The following SLC22A7 variants were observed in gnomAD, a reference collection of about 807,000 sequenced individuals.
The protein encoded by SLC22A7 is solute carrier family 22 member 7.
In SLC22A7, 48 loss-of-function variants were observed where a neutral mutation model predicts 62.2. That is an observed-to-expected ratio of 0.77 (90% confidence interval 0.61 to 0.98). The LOEUF is 0.98. Ranked by LOEUF, SLC22A7 falls within the 50% of genes least tolerant of loss-of-function variation. The probability of loss-of-function intolerance (pLI) is 0.00; values close to 1 mark genes in which losing one functional copy is unlikely to be tolerated. For synonymous variants in SLC22A7, 276 were observed against 314.8 expected, an observed-to-expected ratio of 0.88 and a Z score of 1.30; for missense variants, 581 against 703.8, an observed-to-expected ratio of 0.83 and a Z score of 1.97.
In SLC22A7 at chr6:43,302,892, A is replaced by G; in HGVS notation, c.1385+129A>G. On this transcript the variant is annotated intron_variant, in intron 9 of 10. Coordinates refer to ENST00000372585, the MANE Select transcript of SLC22A7 (RefSeq NM_153320.2). The surrounding 1 kb of genome is among the most constrained non-coding windows in gnomAD (Gnocchi z 5.0). ...TTTTTTTAATTTTAATTTTTGGTAGAGACGGGGTCTTGCTATATTACCCAG... is the reference window on the plus strand; with the variant it reads ...TTTTTTTAATTTTAATTTTTGGTAGGGACGGGGTCTTGCTATATTACCCAG... 1 of 706,048 alleles carries G rather than the reference A, an allele frequency of 1.4e-6. No individual in the cohort carries two copies. Among genetic ancestry groups the G allele is most frequent in the Non-Finnish European group, 2.3e-6 (1 of 427,922 alleles). 43.7% of individuals were successfully genotyped at this position (706,048 alleles called of 1,614,324 possible).
At position 43,299,506 on chromosome 6, in the gene SLC22A7, A is replaced by T; in HGVS notation, c.503+13A>T. ...ATCTGTCCGACAGGTGGGGTGAGGCACTGGGCCAATAAGAAACTGGCTGGG... is the reference window on the plus strand; with the variant it reads ...ATCTGTCCGACAGGTGGGGTGAGGCTCTGGGCCAATAAGAAACTGGCTGGG... On this transcript the variant is annotated intron_variant, in intron 3 of 10. Transcript: ENST00000372585. The surrounding 1 kb of genome is among the most constrained non-coding windows in gnomAD (Gnocchi z 4.4). 6.2e-7 allele frequency: 1 copy of T among 1,608,654 alleles called. No individual in the cohort carries two copies. Among genetic ancestry groups the T allele is most frequent in the East Asian group, 2.2e-5 (1 of 44,840 alleles).
upstream of SLC22A7, among the ~76,000 whole-genome samples, chr6:43,296,329 T>G (rs2841652): frequency 0.98 from 149,658 of 152,350 alleles, 73,550 homozygotes; most frequent in East Asian, 1. Context: ...GAAAACTAAG[T>G]CGTCACAGCC....
upstream of SLC22A7, among the ~76,000 whole-genome samples, chr6:43,297,493 A>C (rs17209379): frequency 0.072 from 10,941 of 152,252 alleles, 514 homozygotes; most frequent in Admixed American, 0.11. Flanking sequence ...TTTGAGTCTT[A>C]GGTATTGCAT....
intron 6 of SLC22A7, 43 bp downstream of exon 6, chr6:43,301,301 T>C (rs1778736755): frequency 5.6e-6 from 9 of 1,611,074 alleles, no homozygotes; most frequent in Admixed American, 1.7e-5. Flanking sequence ...ATGTGTGTGG[T>C]GGGGAGTGGG....
rs1392195319 is a variant in SLC22A7 at position 43,305,390 on chromosome 6, C to T, written c.*665C>T. On this transcript the variant is annotated 3_prime_UTR_variant, in exon 11 of 11. Transcript: ENST00000372585. ...GCCCTGCTACCTCCGAGGCACCCTG[C>T]AGGGCAATGCATGTCATCCCAACCC... 2 of 267,248 alleles carry T rather than the reference C, an allele frequency of 7.5e-6. No homozygotes were observed. Among genetic ancestry groups the T allele is most frequent in the Non-Finnish European group, 1.4e-5 (2 of 138,568 alleles). 16.6% of individuals were successfully genotyped at this position (267,248 alleles called of 1,614,324 possible). A position where few individuals can be genotyped will look rare whatever the true frequency, so the allele number is the denominator to read the frequency against.
intron 6 of SLC22A7, 53 bp from the exon 7 acceptor site, chr6:43,301,530 T>G: frequency 7.1e-7 from 1 of 1,403,236 alleles, no homozygotes; most frequent in Non-Finnish European, 1.0e-6. Flanking sequence ...CTGTGTCCCA[T>G]TGAGATCACA....
rs35263175 is a variant in SLC22A7 at position 43,298,580 on chromosome 6, T to C, written c.222T>C (p.Asp74=). Residue 74 remains aspartate, a synonymous_variant, in exon 1 of 11, where the codon GAT becomes GAC. Transcript: ENST00000372585. Reference sequence around the variant, plus strand: ...AGGCCCATCTTCCCCGGGAGCCTGATGGCACGCTCAGCTCCTGCCTCCGCT... The same window carrying C: ...AGGCCCATCTTCCCCGGGAGCCTGACGGCACGCTCAGCTCCTGCCTCCGCT... ...WLEAHLPREP[D]GTLSSCLRFA... is the part of the protein sequence containing the mutation. 4,375 of 1,613,508 alleles carry C rather than the reference T, an allele frequency of 2.7e-3. 91 individuals carry two copies. The African/African-American group carries it at 0.053, about 19-fold the overall frequency.
chr6:43,304,784 G>A lies in SLC22A7; in HGVS notation c.*59G>A. On this transcript the variant is annotated 3_prime_UTR_variant, in exon 11 of 11. Transcript: ENST00000372585. ...TGCAGCAGGGGCTGGGAGAGCAGAA[G>A]GGCAGGCCCTGCAACTCAGGCTGGG... 1 of 1,380,806 alleles carries A rather than the reference G, an allele frequency of 7.2e-7. No individual in the cohort carries two copies. The highest frequency in any genetic ancestry group is 2.3e-5 in the Admixed American group (1 of 43,452). 85.5% of individuals were successfully genotyped at this position (1,380,806 alleles called of 1,614,324 possible).
intron 7 of SLC22A7, 151 bp downstream of exon 7, chr6:43,301,843 G>T: frequency 3.2e-6 from 2 of 623,918 alleles, no homozygotes; most frequent in Non-Finnish European, 2.8e-6. Context: ...TCTGCCTGGG[G>T]AAGTCAGAAA....
Position 43,302,117 on chromosome 6 carries a change from T to A in SLC22A7, c.1062-83T>A. 1 of 1,298,246 alleles carries A rather than the reference T, an allele frequency of 7.7e-7. No homozygotes were observed. Among genetic ancestry groups the A allele is most frequent in the Non-Finnish European group, 1.1e-6 (1 of 934,142 alleles). The allele number at this position is 1,298,246 out of a possible 1,614,324, so 80.4% of individuals were successfully genotyped here. A position where few individuals can be genotyped will look rare whatever the true frequency, so the allele number is the denominator to read the frequency against. On this transcript the variant is annotated intron_variant, in intron 7 of 10. Coordinates refer to ENST00000372585, the MANE Select transcript of SLC22A7 (RefSeq NM_153320.2). The surrounding 1 kb of genome is among the most constrained non-coding windows in gnomAD (Gnocchi z 5.0). The stretch of plus-strand genomic sequence containing the variant: ...CAGAGACAGAAGGAGATTGCCCTTG[T>A]AAAATGCCAAGTCTTCCTGAGAAGA...
intron 6 of SLC22A7, 72 bp from the exon 7 acceptor site, chr6:43,301,511 G>C: frequency 8.1e-7 from 1 of 1,238,690 alleles, no homozygotes; most frequent in East Asian, 2.4e-5. Flanking sequence ...GAGGGGTGGG[G>C]GGAGAGTACT....
intron 1 of SLC22A7, 136 bp downstream of exon 1, chr6:43,298,887 G>A (rs1778632304): frequency 2.3e-6 from 3 of 1,321,108 alleles, no homozygotes; most frequent in Non-Finnish European, 3.1e-6. Flanking sequence ...TGGGGGCTAT[G>A]AATATAAGGC....
At position 43,305,279 on chromosome 6, in the gene SLC22A7, G is replaced by A. The variant is rs531749486; in HGVS notation, c.*554G>A. The A allele has an allele frequency of 2.8e-4, 51 of 180,766 alleles. 2 individuals are homozygous for A. The highest frequency in any genetic ancestry group is 1.1e-3 in the African/African-American group (48 of 41,810). 11.2% of individuals were successfully genotyped at this position (180,766 alleles called of 1,614,324 possible). A position where few individuals can be genotyped will look rare whatever the true frequency, so the allele number is the denominator to read the frequency against. ...GACTTCTGGTACCAATGGGGCTGGTGGGCATGCTGTCCACTGTGTGGTGCT... is the reference window on the plus strand; with the variant it reads ...GACTTCTGGTACCAATGGGGCTGGTAGGCATGCTGTCCACTGTGTGGTGCT... On this transcript the variant is annotated 3_prime_UTR_variant, in exon 11 of 11. Transcript: ENST00000372585.
rs1193145182 is a variant in SLC22A7, at chr6:43,299,453, G to A, written c.463G>A (p.Val155Met). The A allele has an allele frequency of 6.2e-7, 1 of 1,613,966 alleles. No individual in the cohort carries two copies. The highest frequency in any genetic ancestry group is 1.3e-5 in the African/African-American group (1 of 74,896). ...RAASTFFFAG[V>M]LVGAVAFGYL... is the part of the protein sequence containing the mutation. ...TGCGTCCACTTTCTTCTTCGCCGGT[G>A]TGCTGGTGGGGGCTGTGGCCTTTGG... Residue 155 changes from valine (V) to methionine (M), a missense_variant, in exon 3 of 11, where the codon GTG (valine) becomes ATG (methionine). Physicochemically the swap from Val to Met is conservative, Grantham distance 21 (BLOSUM62 1). Coordinates refer to ENST00000372585, the MANE Select transcript of SLC22A7 (RefSeq NM_153320.2). This position sits in a 1 kb window ranked among gnomAD's most constrained non-coding sequence, Gnocchi z 4.4.
At chr6:43,303,124 G>A in intron 9 of SLC22A7, 1 of 985,376 alleles carries the variant, frequency 1.0e-6, no homozygotes, top group South Asian at 4.7e-5. Flanking sequence ...TGTACTATGT[G>A]ACCCTGAGCC....
rs773658475 is a variant in SLC22A7 at position 43,299,189 on chromosome 6, C to T, written c.399+92C>T. ...GGTCGAGGCCTTCCTTGGGAAGAAG[C>T]TGAGGCTGCAGGACTGGGGAGGGAC... On this transcript the variant is annotated intron_variant, in intron 2 of 10. Transcript: ENST00000372585. This position sits in a 1 kb window ranked among gnomAD's most constrained non-coding sequence, Gnocchi z 4.4. 1 of 1,614,128 alleles carries T rather than the reference C, an allele frequency of 6.2e-7. No homozygotes were observed. Among genetic ancestry groups the T allele is most frequent in the South Asian group, 1.1e-5 (1 of 91,074 alleles).
At chr6:43,301,023 C>A in intron 5 of SLC22A7, 112 bp from the exon 6 acceptor site, 1 of 1,372,052 alleles carries the variant, frequency 7.3e-7, no homozygotes, top group Non-Finnish European at 1.0e-6. Context: ...ATGTTCCAGG[C>A]TAAGGGGACT....
In SLC22A7 at chr6:43,304,967, A is replaced by G; in HGVS notation, c.*242A>G. Reference sequence around the variant, plus strand: ...CGGTTGGGGAGGATTCTGTAAATAAAGGTGCCCCTTGGGTTGGGGCAGTGG... The same window carrying G: ...CGGTTGGGGAGGATTCTGTAAATAAGGGTGCCCCTTGGGTTGGGGCAGTGG... On this transcript the variant is annotated 3_prime_UTR_variant, in exon 11 of 11. Transcript: ENST00000372585. The G allele has an allele frequency of 2.6e-6, 1 of 387,920 alleles. No homozygotes were observed. Among genetic ancestry groups the G allele is most frequent in the Non-Finnish European group, 4.6e-6 (1 of 217,196 alleles). The allele number at this position is 387,920 out of a possible 1,614,324, so 24.0% of individuals were successfully genotyped here.
upstream of SLC22A7, among the ~76,000 whole-genome samples, chr6:43,296,411 C>A (rs1208355839): frequency 1.3e-5 from 2 of 152,204 alleles, no homozygotes; most frequent in East Asian, 3.8e-4. Flanking sequence ...CCCTGTGGAG[C>A]CACTGGATGG....
Sources: allele counts gnomAD v4.1 joint callset (sites outside exome capture counted in the v4.1 genomes callset), GRCh38; gene constraint gnomAD v4.1.1; non-coding constraint Gnocchi (gnomAD v3.1); transcripts MANE v1.5; gene names NCBI Gene and HGNC (gene_info 2026-07-23, HGNC 2026-07-21).